The following DZIP1 variants were observed in gnomAD, a reference collection of about 807,000 sequenced individuals.
The protein encoded by DZIP1 is cilium assembly protein DZIP1.
A neutral mutation model predicts 107.6 loss-of-function variants in DZIP1; 97 were observed. The observed-to-expected ratio is 0.90, with a 90% CI of 0.77 to 1.07. The LOEUF is 1.07. DZIP1 is among the 50% of genes least tolerant of loss of function. The pLI is 0.00. For synonymous variants in DZIP1, 390 were observed against 386.4 expected (o/e 1.01, Z -0.11); for missense variants, 1,035 against 1,063.6 (o/e 0.97, Z 0.37).
chr13:95,578,427 C>T lies in DZIP1; in HGVS notation c.*3807G>A, dbSNP rs1161872453. ...GTCTTATAAACAGCATGGGGGCAAT[C>T]TGAGAATATTCCTCAAAAGGTGTCC... On this transcript the variant is annotated 3_prime_UTR_variant, in exon 23 of 23. Transcript: ENST00000376829. 1 of 152,600 alleles carries T rather than the reference C, an allele frequency of 6.6e-6. No individual in the cohort carries two copies. The highest frequency in any genetic ancestry group is 1.5e-5 in the Non-Finnish European group (1 of 68,322). 9.5% of individuals were successfully genotyped at this position (152,600 alleles called of 1,614,324 possible).
At position 95,601,362 on chromosome 13, in the gene DZIP1, C is replaced by A. The variant is rs17301082; in HGVS notation, c.1478-1938G>T. On this transcript the variant is annotated intron_variant, in intron 14 of 22. Coordinates refer to ENST00000376829, the MANE Select transcript of DZIP1 (RefSeq NM_198968.4). Reference sequence around the variant, plus strand: ...CAAACGTCCCAGATCCTGTCCTGAGCTGAGATGCAGGGTGACAGTCAAAAC... The same window carrying A: ...CAAACGTCCCAGATCCTGTCCTGAGATGAGATGCAGGGTGACAGTCAAAAC... Among the ~76,000 whole-genome samples the A allele has an allele frequency of 8.3e-3, 1,263 of 152,280 alleles. 43 individuals carry two copies. Among genetic ancestry groups the A allele is most frequent in the East Asian group, 0.067 (347 of 5,172 alleles).
At chr13:95,589,573 C>T (rs1455906061) in intron 18 of DZIP1, among the ~76,000 whole-genome samples, 1 of 152,188 alleles carries the variant, frequency 6.6e-6, no homozygotes. Flanking sequence ...CGATGTATCT[C>T]CTTCAGAGGT....
intron 7 of DZIP1, among the ~76,000 whole-genome samples, chr13:95,625,294 T>G (rs559702452): frequency 6.6e-6 from 1 of 152,348 alleles, no homozygotes; most frequent in Non-Finnish European, 1.5e-5. Flanking sequence ...CATAACAATT[T>G]GGATAGTGTA....
At chr13:95,606,270 A>T (rs2044773413) in intron 13 of DZIP1, among the ~76,000 whole-genome samples, 1 of 152,190 alleles carries the variant, frequency 6.6e-6, no homozygotes, top group Admixed American at 6.5e-5. Context: ...AAAAATATAC[A>T]ATTCAGTGGG....
At chr13:95,638,949 A>G (rs551393317) in intron 5 of DZIP1, among the ~76,000 whole-genome samples, 2 of 152,178 alleles carry the variant, frequency 1.3e-5, no homozygotes, top group South Asian at 4.2e-4. Context: ...AGAAAGAAAA[A>G]CTCACATGAT....
At chr13:95,608,763 C>T (rs2044872786) in intron 13 of DZIP1, among the ~76,000 whole-genome samples, 1 of 152,162 alleles carries the variant, frequency 6.6e-6, no homozygotes, top group African/African-American at 2.4e-5. Flanking sequence ...CGCTCAAGAA[C>T]GTCCTTTGGT....
At chr13:95,606,172 A>G (rs2044769143) in intron 13 of DZIP1, 113 bp from the exon 14 acceptor site, 1 of 836,442 alleles carries the variant, frequency 1.2e-6, no homozygotes, top group East Asian at 2.5e-5. Context: ...ACAGACCATA[A>G]GGAACAAATA....
At chr13:95,624,623 T>C in intron 8 of DZIP1, 145 bp downstream of exon 8, 2 of 763,212 alleles carry the variant, frequency 2.6e-6, no homozygotes, top group Non-Finnish European at 4.3e-6. Flanking sequence ...CTGTCTCCTC[T>C]ATGCCTCCCT....
At chr13:95,615,156 A>G (rs576609716) in intron 10 of DZIP1, among the ~76,000 whole-genome samples, 13 of 152,290 alleles carry the variant, frequency 8.5e-5, no homozygotes, top group Non-Finnish European at 1.8e-4. Flanking sequence ...ACTCAGAACC[A>G]GGAAAGGCCT....
intron 16 of DZIP1, 100 bp from the exon 17 acceptor site, chr13:95,590,541 C>T (rs977629761): frequency 9.7e-6 from 12 of 1,230,964 alleles, no homozygotes; most frequent in African/African-American, 3.0e-5. Flanking sequence ...TCCATCCTTA[C>T]AGGGCTCCAG....
chr13:95,626,113 CAGAG>C (rs915589713), intron 7 of DZIP1, among the ~76,000 whole-genome samples: 1 of 151,860 alleles, frequency 6.6e-6, no homozygotes, highest in Non-Finnish European at 1.5e-5. Flanking sequence ...GCCTGGGCAA[CAGAG>C]AGAGAGTCTA....
At chr13:95,625,998 G>T (rs1594722481) in intron 7 of DZIP1, among the ~76,000 whole-genome samples, 1 of 151,946 alleles carries the variant, frequency 6.6e-6, no homozygotes, top group African/African-American at 2.4e-5. Context: ...CAGGTATGGT[G>T]GTACGTGCCT....
chr13:95,601,118 T>G (rs1041029052), intron 14 of DZIP1, among the ~76,000 whole-genome samples: 24 of 152,162 alleles, frequency 1.6e-4, no homozygotes, highest in Non-Finnish European at 3.5e-4. Context: ...GACTTATTTC[T>G]CTAGAGTCAG....
intron 6 of DZIP1, among the ~76,000 whole-genome samples, chr13:95,630,984 A>G (rs981685376): frequency 6.6e-6 from 1 of 152,228 alleles, no homozygotes; most frequent in African/African-American, 2.4e-5. Flanking sequence ...CAGTGATTCA[A>G]GACTTATTAA....
chr13:95,610,101 TGTGTGTGTGTGAGAGAGAGACA>T lies in DZIP1; in HGVS notation c.1364-610_1364-589del, dbSNP rs1368312200. Among the ~76,000 whole-genome samples, 3 of 125,548 alleles carry T rather than the reference TGTGTGTGTGTGAGAGAGAGACA, an allele frequency of 2.4e-5. No individual in the cohort carries two copies. The East Asian group carries it at 6.4e-4, about 27-fold the overall frequency. The allele number at this position is 125,548 out of a possible 152,430, so 82.4% of individuals were successfully genotyped here. On this transcript the variant is annotated intron_variant, in intron 12 of 22. Coordinates refer to ENST00000376829, the MANE Select transcript of DZIP1 (RefSeq NM_198968.4). ...GTGTGTGTGTGTGTGTGTGTGTGTG[TGTGTGTGTGTGAGAGAGAGACA>T]GAGAGAGAGAGACAGAGACAGACAG...
intron 15 of DZIP1, among the ~76,000 whole-genome samples, chr13:95,597,158 C>A (rs2044478610): frequency 6.6e-6 from 1 of 152,192 alleles, no homozygotes; most frequent in Non-Finnish European, 1.5e-5. Flanking sequence ...TCTAAAAGCA[C>A]AGGCAGAGGG....
At chr13:95,615,249 T>C (rs1874911063) in intron 10 of DZIP1, among the ~76,000 whole-genome samples, 1 of 152,194 alleles carries the variant, frequency 6.6e-6, no homozygotes, top group African/African-American at 2.4e-5. Context: ...TAACTCGCTT[T>C]CTATTCCAGC....
intron 6 of DZIP1, among the ~76,000 whole-genome samples, 165 bp downstream of exon 6, chr13:95,633,069 G>T (rs1204618048): frequency 6.6e-6 from 1 of 152,122 alleles, no homozygotes; most frequent in Non-Finnish European, 1.5e-5. Context: ...TCCAGCACCT[G>T]GTGCACTGTA....
At chr13:95,587,489 C>T in intron 20 of DZIP1, 50 bp downstream of exon 20, 4 of 1,587,242 alleles carry the variant, frequency 2.5e-6, no homozygotes, top group Non-Finnish European at 3.4e-6. Context: ...CGGGTGAGGA[C>T]AACTGTCCTA....
Sources: gnomAD v4.1 joint callset for allele counts (sites outside exome capture counted in the v4.1 genomes callset) on GRCh38, gnomAD v4.1.1 for gene constraint, MANE v1.5 for transcripts, NCBI Gene and HGNC (gene_info 2026-07-23, HGNC 2026-07-21) for gene names.